The following HS6ST2 variants were observed in gnomAD, a reference collection of about 807,000 sequenced individuals.
HS6ST2 encodes the protein heparan sulfate 6-O-sulfotransferase 2, also known as heparan-sulfate 6-O-sulfotransferase 2.
A neutral mutation model predicts 33.0 loss-of-function variants in HS6ST2; 17 were observed. The observed-to-expected ratio is 0.52, with a 90% CI of 0.35 to 0.77. The LOEUF (loss-of-function observed/expected upper bound fraction) is 0.77. Among genes scored for constraint, HS6ST2 ranks in the 30% least tolerant of loss-of-function variants. The pLI is 0.01. For synonymous variants in HS6ST2, 248 were observed against 237.1 expected (o/e 1.05, Z -0.42); for missense variants, 519 against 551.7 (o/e 0.94, Z 0.59).
At chrX:132,899,042 A>G (rs890903161) in intron 2 of HS6ST2, among the ~76,000 whole-genome samples, 2 of 111,745 alleles carry the variant, frequency 1.8e-5, no homozygotes, top group Non-Finnish European at 3.8e-5. Flanking sequence ...TGAAAAGTGT[A>G]TTGTCTTGGT....
chrX:132,807,183 C>G (rs1050447839), intron 2 of HS6ST2, among the ~76,000 whole-genome samples: 9 of 110,269 alleles, frequency 8.2e-5, no homozygotes, highest in Non-Finnish European at 1.5e-4. Flanking sequence ...TTACCACTCT[C>G]TATAGAAAGG....
chrX:132,880,599 G>C (rs1212164790), intron 2 of HS6ST2, among the ~76,000 whole-genome samples: 1 of 108,538 alleles, frequency 9.2e-6, no homozygotes. Context: ...ATTTAGCAGA[G>C]ACTATTTAAC....
At chrX:132,850,173 G>A (rs1262369594) in intron 2 of HS6ST2, among the ~76,000 whole-genome samples, 3 of 112,063 alleles carry the variant, frequency 2.7e-5, no homozygotes, top group Non-Finnish European at 5.6e-5. Context: ...TCCCTAAAAA[G>A]TTTATTTTTA....
chrX:132,769,778 T>C (rs1446880102), intron 2 of HS6ST2, among the ~76,000 whole-genome samples: 4 of 111,673 alleles, frequency 3.6e-5, no homozygotes, highest in Non-Finnish European at 7.5e-5. Flanking sequence ...GTTGTGTAGA[T>C]CAGAACTTGC....
At chrX:132,823,861 AT>A in intron 2 of HS6ST2, among the ~76,000 whole-genome samples, 1 of 103,780 alleles carries the variant, frequency 9.6e-6, no homozygotes, top group African/African-American at 3.5e-5. Context: ...AAAAATAATA[AT>A]AATAATAATA....
At chrX:132,654,486 T>C (rs1463868416) in intron 4 of HS6ST2, among the ~76,000 whole-genome samples, 1 of 111,555 alleles carries the variant, frequency 9.0e-6, no homozygotes, top group African/African-American at 3.3e-5. Context: ...AAATGCAATG[T>C]GTACTATAGT....
intron 2 of HS6ST2, among the ~76,000 whole-genome samples, chrX:132,874,508 C>T (rs5933227): frequency 9.1e-6 from 1 of 110,171 alleles, no homozygotes; most frequent in Non-Finnish European, 1.9e-5. Context: ...CCCGGGAGGC[C>T]GAGGTTGCAG....
chrX:132,800,499 C>T (rs1298874115), intron 2 of HS6ST2, among the ~76,000 whole-genome samples: 9 of 111,052 alleles, frequency 8.1e-5, no homozygotes, highest in Non-Finnish European at 1.7e-4. Flanking sequence ...CATCTCCCAC[C>T]CCCTAAGCCC....
chrX:132,851,900 G>GGAGGCTAAGGAGAAAGAATAGCTT (rs1490496028), intron 2 of HS6ST2, among the ~76,000 whole-genome samples: 3 of 111,612 alleles, frequency 2.7e-5, no homozygotes, highest in African/African-American at 9.8e-5. Context: ...CAGCACTTTG[G>GGAGGCTAAGGAGAAAGAATAGCTT]GAGGCTAAGG....
intron 3 of HS6ST2, among the ~76,000 whole-genome samples, chrX:132,675,044 G>T (rs1412525677): frequency 4.5e-5 from 5 of 111,770 alleles, no homozygotes; most frequent in Non-Finnish European, 9.4e-5. Context: ...CACTGAGAAG[G>T]TTTGCAAGTT....
At chrX:132,787,198 T>C (rs190457257) in intron 2 of HS6ST2, among the ~76,000 whole-genome samples, 4,170 of 80,032 alleles carry the variant, frequency 0.052, 271 homozygotes, top group East Asian at 0.16. Context: ...CATATATATA[T>C]ACACATATAT....
intron 2 of HS6ST2, chrX:132,758,436 C>T (rs2148306329): frequency 8.9e-6 from 1 of 111,913 alleles, no homozygotes; most frequent in South Asian, 3.8e-4. Flanking sequence ...ATATGAGAGT[C>T]CCAATCACCA....
At chrX:132,916,333 A>T (rs1012409569) in intron 2 of HS6ST2, among the ~76,000 whole-genome samples, 8 of 112,482 alleles carry the variant, frequency 7.1e-5, no homozygotes, top group Middle Eastern at 4.2e-3. Flanking sequence ...CCCAATCTAT[A>T]AAATAGCAAT....
intron 2 of HS6ST2, among the ~76,000 whole-genome samples, chrX:132,791,510 C>CA (rs1333042544): frequency 8.9e-6 from 1 of 111,962 alleles, no homozygotes; most frequent in Non-Finnish European, 1.9e-5. Context: ...CTATGTCCAT[C>CA]AACAATGGTT....
chrX:132,874,653 A>G (rs1277279062), intron 2 of HS6ST2, among the ~76,000 whole-genome samples: 1 of 111,576 alleles, frequency 9.0e-6, no homozygotes, highest in Non-Finnish European at 1.9e-5. Context: ...CATGATAGAG[A>G]CCTCCACACA....
intron 4 of HS6ST2, among the ~76,000 whole-genome samples, chrX:132,644,427 C>G (rs1394396242): frequency 9.0e-6 from 1 of 111,318 alleles, no homozygotes; most frequent in African/African-American, 3.3e-5. Flanking sequence ...ACAAAGGAGG[C>G]AACTTTCCCA....
intron 4 of HS6ST2, among the ~76,000 whole-genome samples, chrX:132,664,809 C>T (rs1471652397): frequency 8.9e-6 from 1 of 111,847 alleles, no homozygotes; most frequent in Non-Finnish European, 1.9e-5. Context: ...TGATCGAGTT[C>T]CATCATCATC....
At chrX:132,704,247 A>G (rs944329194) in intron 3 of HS6ST2, among the ~76,000 whole-genome samples, 9 of 112,467 alleles carry the variant, frequency 8.0e-5, no homozygotes, top group African/African-American at 2.3e-4. Context: ...ATTAATGATA[A>G]TAAGTGTCCA....
chrX:132,897,556 A>C (rs781226140), intron 2 of HS6ST2, among the ~76,000 whole-genome samples: 26 of 111,941 alleles, frequency 2.3e-4, no homozygotes, highest in Non-Finnish European at 4.3e-4. Context: ...AAGATAATAT[A>C]TAAACTTAGC....
Sources: gnomAD v4.1 joint callset for allele counts (sites outside exome capture counted in the v4.1 genomes callset) on GRCh38, gnomAD v4.1.1 for gene constraint, MANE v1.5 for transcripts, NCBI Gene and HGNC (gene_info 2026-07-23, HGNC 2026-07-21) for gene names.